Variants in RAF1 observed in about 807,000 individuals in gnomAD.
RAF1 encodes RAF proto-oncogene serine/threonine-protein kinase.
A neutral mutation model predicts 81.1 loss-of-function variants in RAF1; 27 were observed. That is an observed-to-expected ratio of 0.33 (90% confidence interval 0.25 to 0.46). The LOEUF (loss-of-function observed/expected upper bound fraction) is 0.46. RAF1 is among the 20% of genes least tolerant of loss of function. The pLI is 1.00. For missense variants in RAF1, 598 were observed against 826.0 expected (o/e 0.72, Z 3.38); for synonymous variants, 298 against 294.0 (o/e 1.01, Z -0.14).
At chr3:12,633,868 G>C (rs1460017396) in intron 1 of RAF1, among the ~76,000 whole-genome samples, 1 of 146,986 alleles carries the variant, frequency 6.8e-6, no homozygotes, top group African/African-American at 2.5e-5. Context: ...CCAGGAGGCA[G>C]AGATTGCAGT....
At chr3:12,640,322 A>T (rs1242956201) in intron 1 of RAF1, among the ~76,000 whole-genome samples, 5 of 152,318 alleles carry the variant, frequency 3.3e-5, no homozygotes, top group African/African-American at 1.2e-4. Flanking sequence ...GGACTTCATG[A>T]CTAAAACACC....
In RAF1 at chr3:12,599,665, T is replaced by A. The variant is rs868381855; in HGVS notation, c.1168+26A>T. On this transcript the variant is annotated intron_variant, in intron 11 of 17. Transcript: ENST00000442415. ...TGACTTCACACCAAAGCCCTGCAGT[T>A]AGTAAAGGGAGGGCCCCAAGCTTAC... The A allele has an allele frequency of 8.2e-6, 13 of 1,577,010 alleles. 1 individual carries two copies. The African/African-American group carries it at 1.1e-4, about 13-fold the overall frequency.
chr3:12,626,255 A>C (rs1177975400), intron 1 of RAF1, among the ~76,000 whole-genome samples: 1 of 151,708 alleles, frequency 6.6e-6, no homozygotes, highest in East Asian at 1.9e-4. Context: ...AAAAAAAAAA[A>C]AAAAAAGTAA....
rs1453501999 is a variant in RAF1, at chr3:12,618,727, C to T, written c.-6G>A. On this transcript the variant is annotated 5_prime_UTR_variant, in exon 2 of 18. Coordinates refer to ENST00000442415, the MANE Select transcript of RAF1 (RefSeq NM_001354689.3). ...GCTCCCTGTATGTGCTCCATTGATGCAGCTTAAACAATTCTTAAACCTGGT... is the reference window on the plus strand; with the variant it reads ...GCTCCCTGTATGTGCTCCATTGATGTAGCTTAAACAATTCTTAAACCTGGT... The T allele has an allele frequency of 2.5e-6, 4 of 1,613,654 alleles. No individual in the cohort carries two copies. The highest frequency in any genetic ancestry group is 2.2e-5 in the East Asian group (1 of 44,900).
At chr3:12,607,949 C>CA (rs58308841) in intron 5 of RAF1, among the ~76,000 whole-genome samples, 5,025 of 65,432 alleles carry the variant, frequency 0.077, 96 homozygotes, top group Middle Eastern at 0.18. Flanking sequence ...GACTTGTCTC[C>CA]AAAAAAAAAA....
intron 11 of RAF1, among the ~76,000 whole-genome samples, chr3:12,593,340 T>C (rs2058579522): frequency 6.6e-6 from 1 of 151,950 alleles, no homozygotes; most frequent in Non-Finnish European, 1.5e-5. Flanking sequence ...CTCGGCCTCC[T>C]GGAGTGCTGG....
chr3:12,605,566 C>T (rs1270573183), intron 6 of RAF1, among the ~76,000 whole-genome samples: 1 of 152,182 alleles, frequency 6.6e-6, no homozygotes, highest in Non-Finnish European at 1.5e-5. Context: ...GTGTGAGCTA[C>T]CGTGCCTGGC....
chr3:12,645,565 GT>G (rs1288317947), intron 1 of RAF1, among the ~76,000 whole-genome samples: 2 of 151,910 alleles, frequency 1.3e-5, no homozygotes, highest in Non-Finnish European at 2.9e-5. Flanking sequence ...ATTTTTGTTT[GT>G]TTTTCACAGT....
chr3:12,584,011 A>G lies in RAF1; in HGVS notation c.*503T>C, dbSNP rs747744578. On this transcript the variant is annotated 3_prime_UTR_variant, in exon 18 of 18. Coordinates refer to ENST00000442415, the MANE Select transcript of RAF1 (RefSeq NM_001354689.3). ...CCAAAGCAGGCTCCTTCGGGCGGCC[A>G]GAGTCTCGGCAGTCCTGGGCTGTTT... 1.5e-4 allele frequency: 37 copies of G among 252,238 alleles called. No individual in the cohort carries two copies. The highest frequency in any genetic ancestry group is 2.7e-4 in the Non-Finnish European group (35 of 127,786). 15.6% of individuals were successfully genotyped at this position (252,238 alleles called of 1,614,324 possible). A position where few individuals can be genotyped will look rare whatever the true frequency, so the allele number is the denominator to read the frequency against.
chr3:12,643,758 A>T (rs930950292), intron 1 of RAF1, among the ~76,000 whole-genome samples: 1 of 152,076 alleles, frequency 6.6e-6, no homozygotes, highest in Non-Finnish European at 1.5e-5. Flanking sequence ...AATAAAAATA[A>T]AAACAAAAAA....
chr3:12,654,120 T>C (rs2060614194), intron 1 of RAF1, among the ~76,000 whole-genome samples: 1 of 151,916 alleles, frequency 6.6e-6, no homozygotes, highest in South Asian at 2.1e-4. Flanking sequence ...GCCTACCAAG[T>C]AGCTGGGACT....
rs544280713 is a variant in RAF1 at position 12,613,199 on chromosome 3, T to TA, written c.208-1138dup. Among the ~76,000 whole-genome samples the TA allele has an allele frequency of 7.1e-3, 1,082 of 152,258 alleles. 6 individuals carry two copies. The highest frequency in any genetic ancestry group is 0.024 in the African/African-American group (1,013 of 41,556). On this transcript the variant is annotated intron_variant, in intron 2 of 17. Coordinates refer to ENST00000442415, the MANE Select transcript of RAF1 (RefSeq NM_001354689.3). ...GGATACTCACAATTAATGGCAGCTGTAAAAAAATTTGAATGAAAATTTCAG... is the reference window on the plus strand; with the variant it reads ...GGATACTCACAATTAATGGCAGCTGTAAAAAAAATTTGAATGAAAATTTCAG...
At chr3:12,586,670 C>G in intron 14 of RAF1, among the ~76,000 whole-genome samples, 1 of 152,136 alleles carries the variant, frequency 6.6e-6, no homozygotes, top group South Asian at 2.1e-4. Context: ...ATCTTTCTTT[C>G]ACAAGGAAAG....
intron 4 of RAF1, 93 bp downstream of exon 4, chr3:12,609,136 CTATA>C: frequency 9.8e-7 from 1 of 1,020,740 alleles, no homozygotes; most frequent in Non-Finnish European, 1.5e-6. Context: ...AACAATCCAA[CTATA>C]TATATATATA....
intron 1 of RAF1, among the ~76,000 whole-genome samples, chr3:12,625,966 G>A (rs1479286793): frequency 6.6e-6 from 1 of 151,398 alleles, no homozygotes; most frequent in African/African-American, 2.4e-5. Context: ...AAATAGATAA[G>A]CATTAAAAAA....
chr3:12,605,825 A>G (rs1241555652), intron 6 of RAF1, among the ~76,000 whole-genome samples: 1 of 152,266 alleles, frequency 6.6e-6, no homozygotes, highest in African/African-American at 2.4e-5. Flanking sequence ...CACAACATGC[A>G]TTTCAAAGTT....
chr3:12,633,971 G>A (rs1043016924), intron 1 of RAF1, among the ~76,000 whole-genome samples: 3 of 148,036 alleles, frequency 2.0e-5, no homozygotes, highest in African/African-American at 5.0e-5. Flanking sequence ...TCAGGAATCC[G>A]AATGACTTCA....
At chr3:12,655,491 GCA>G (rs2060663427) in intron 1 of RAF1, among the ~76,000 whole-genome samples, 1 of 152,208 alleles carries the variant, frequency 6.6e-6, no homozygotes, top group South Asian at 2.1e-4. Context: ...GTAAAATGGT[GCA>G]GTCACTGTGC....
intron 11 of RAF1, among the ~76,000 whole-genome samples, chr3:12,597,859 C>T (rs1305848022): frequency 6.6e-6 from 1 of 151,568 alleles, no homozygotes; most frequent in Non-Finnish European, 1.5e-5. Flanking sequence ...GCAGAGACTG[C>T]AGTAAGCCAA....
Sources: allele counts gnomAD v4.1 joint callset (sites outside exome capture counted in the v4.1 genomes callset), GRCh38; gene constraint gnomAD v4.1.1; transcripts MANE v1.5; gene names NCBI Gene and HGNC (gene_info 2026-07-23, HGNC 2026-07-21).